Variants in WWOX observed in about 807,000 individuals in gnomAD.
The protein encoded by WWOX is WW domain-containing oxidoreductase.
In WWOX, 69 loss-of-function variants were observed where a neutral mutation model predicts 46.2. That is an observed-to-expected ratio of 1.49 (90% confidence interval 1.23 to 1.82). The LOEUF (loss-of-function observed/expected upper bound fraction) is 1.82, where lower values mean the gene tolerates loss of function less well. WWOX is among the 40% of genes most tolerant of loss of function. WWOX has a pLI of 0.00. For synonymous variants in WWOX, 359 were observed against 202.6 expected (o/e 1.77, Z -6.56); for missense variants, 919 against 542.6 (o/e 1.69, Z -6.89).
rs949212949 is a variant in WWOX at position 78,787,563 on chromosome 16, C to T, written c.1056+354811C>T. ...ATACCACTTTTTGTTTATCCATTTG[C>T]CAGTGGGTGGTCATTGTGTTTCTAC... On this transcript the variant is annotated intron_variant, in intron 8 of 8. Transcript: ENST00000566780. Among the ~76,000 whole-genome samples the T allele has an allele frequency of 5.3e-5, 8 of 152,092 alleles. No homozygotes were observed. The East Asian group carries it at 1.5e-3, about 29-fold the overall frequency.
At chr16:78,119,479 A>T (rs142259799) in intron 4 of WWOX, among the ~76,000 whole-genome samples, 5 of 152,310 alleles carry the variant, frequency 3.3e-5, no homozygotes, top group Admixed American at 1.3e-4. Context: ...GATTAGTTGG[A>T]TGCCTAAATG....
At chr16:78,743,353 A>C (rs1293171930) in intron 8 of WWOX, among the ~76,000 whole-genome samples, 2 of 152,114 alleles carry the variant, frequency 1.3e-5, no homozygotes, top group Non-Finnish European at 2.9e-5. Flanking sequence ...TTCTTAACTC[A>C]TTGATTCTCA....
chr16:78,373,932 G>T (rs902176475), intron 5 of WWOX, among the ~76,000 whole-genome samples: 1 of 151,956 alleles, frequency 6.6e-6, no homozygotes, highest in Non-Finnish European at 1.5e-5. Context: ...CATTAAATAC[G>T]TGTGCCACCA....
intron 8 of WWOX, among the ~76,000 whole-genome samples, chr16:78,868,516 T>C (rs1484431026): frequency 2.0e-5 from 3 of 152,186 alleles, no homozygotes; most frequent in African/African-American, 7.2e-5. Context: ...TTAAATCATA[T>C]GGTATGTGAA....
intron 4 of WWOX, among the ~76,000 whole-genome samples, chr16:78,116,749 A>C (rs1234824116): frequency 1.3e-5 from 2 of 152,216 alleles, no homozygotes; most frequent in Admixed American, 1.3e-4. Context: ...AAAAGGACTT[A>C]AGGGCTTAAA....
intron 5 of WWOX, among the ~76,000 whole-genome samples, chr16:78,297,739 G>T (rs1253924424): frequency 2.5e-4 from 38 of 152,150 alleles, no homozygotes; most frequent in Non-Finnish European, 5.9e-5. Flanking sequence ...ATGCATGGTG[G>T]AATACAAAAG....
intron 8 of WWOX, among the ~76,000 whole-genome samples, chr16:78,954,818 C>G (rs181770655): frequency 8.4e-4 from 128 of 152,204 alleles, no homozygotes; most frequent in African/African-American, 2.7e-3. Flanking sequence ...GAGACAGAGT[C>G]TCGTTCTGTC....
chr16:78,757,382 C>T (rs910136622), intron 8 of WWOX, among the ~76,000 whole-genome samples: 8 of 152,126 alleles, frequency 5.3e-5, no homozygotes, highest in African/African-American at 1.2e-4. Context: ...GAGGGAGCTG[C>T]GCTTTTGCAA....
At chr16:78,777,629 C>A (rs1187380295) in intron 8 of WWOX, among the ~76,000 whole-genome samples, 1 of 151,994 alleles carries the variant, frequency 6.6e-6, no homozygotes, top group Non-Finnish European at 1.5e-5. Flanking sequence ...CTAATTTTTG[C>A]AATAGTCAAA....
chr16:78,860,041 A>G (rs1488039408), intron 8 of WWOX, among the ~76,000 whole-genome samples: 4 of 152,224 alleles, frequency 2.6e-5, no homozygotes, highest in Admixed American at 2.0e-4. Context: ...TTAGTTCTCA[A>G]AAGAAAAATT....
intron 3 of WWOX, among the ~76,000 whole-genome samples, chr16:78,111,201 A>G (rs2032469560): frequency 6.6e-6 from 1 of 152,152 alleles, no homozygotes; most frequent in African/African-American, 2.4e-5. Flanking sequence ...TGTGGGCGAA[A>G]GAGTACCTAG....
intron 5 of WWOX, among the ~76,000 whole-genome samples, chr16:78,236,213 C>T (rs763752947): frequency 2.0e-5 from 3 of 152,230 alleles, no homozygotes; most frequent in East Asian, 1.9e-4. Context: ...AATGTTAATA[C>T]GTTAGTTTTC....
At chr16:78,589,632 G>A (rs989436248) in intron 8 of WWOX, among the ~76,000 whole-genome samples, 3 of 152,120 alleles carry the variant, frequency 2.0e-5, no homozygotes, top group Admixed American at 6.5e-5. Flanking sequence ...AGTAGTTTCC[G>A]GTAAAGGCAT....
intron 8 of WWOX, among the ~76,000 whole-genome samples, chr16:79,070,857 G>C (rs2048536795): frequency 6.6e-6 from 1 of 152,170 alleles, no homozygotes; most frequent in African/African-American, 2.4e-5. Flanking sequence ...GAAGAGAAAT[G>C]TGGGTGTGTT....
intron 8 of WWOX, among the ~76,000 whole-genome samples, chr16:78,945,923 C>G (rs972966647): frequency 6.6e-6 from 1 of 152,132 alleles, no homozygotes; most frequent in Non-Finnish European, 1.5e-5. Flanking sequence ...GTCAGTTCAT[C>G]TCACCACGTA....
intron 8 of WWOX, among the ~76,000 whole-genome samples, chr16:78,931,142 C>G (rs1207724259): frequency 6.6e-6 from 1 of 152,112 alleles, no homozygotes; most frequent in African/African-American, 2.4e-5. Flanking sequence ...TATCATTGTC[C>G]TTAAGGAGCT....
At chr16:78,106,043 C>T (rs1313074800) in intron 1 of WWOX, among the ~76,000 whole-genome samples, 4 of 152,190 alleles carry the variant, frequency 2.6e-5, no homozygotes, top group Admixed American at 2.6e-4. Flanking sequence ...CTCTAGCGAT[C>T]CTCCCGCCTC....
At chr16:78,766,657 A>G (rs1011675739) in intron 8 of WWOX, among the ~76,000 whole-genome samples, 1 of 152,216 alleles carries the variant, frequency 6.6e-6, no homozygotes, top group Non-Finnish European at 1.5e-5. Context: ...TTTTAAGACA[A>G]GGAATTCAGT....
At chr16:78,612,126 A>G (rs74029595) in intron 8 of WWOX, among the ~76,000 whole-genome samples, 4,993 of 152,192 alleles carry the variant, frequency 0.033, 279 homozygotes, top group African/African-American at 0.11. Flanking sequence ...TGTATTACCT[A>G]CTCCTTTGGG....
Sources: allele counts gnomAD v4.1 joint callset (sites outside exome capture counted in the v4.1 genomes callset), GRCh38; gene constraint gnomAD v4.1.1; transcripts MANE v1.5; gene names NCBI Gene and HGNC (gene_info 2026-07-23, HGNC 2026-07-21).